Variants in UTY observed in about 807,000 individuals in gnomAD.
The protein encoded by UTY is ubiquitously transcribed tetratricopeptide repeat containing, Y-linked.
Under a neutral mutation model 32.5 loss-of-function variants are expected in UTY, and 12 were observed. The ratio of observed to expected loss-of-function variants is 0.37; its 90% CI spans 0.24 to 0.60. The LOEUF (loss-of-function observed/expected upper bound fraction) is 0.60. Ranked by LOEUF, UTY falls within the 20% of genes least tolerant of loss-of-function variation. The pLI is 0.69. For synonymous variants in UTY, 131 were observed against 103.4 expected (o/e 1.27, Z -1.62); for missense variants, 303 against 299.2 (o/e 1.01, Z -0.09).
intron 28 of UTY, among the ~76,000 whole-genome samples, chrY:13,237,943 G>A: frequency 3.0e-5 from 1 of 33,785 alleles, no homozygotes; most frequent in Non-Finnish European, 7.4e-5. Context: ...TCCCCAAGAC[G>A]TAGTTGTGAG....
In UTY at chrY:13,366,317, C is replaced by G; in HGVS notation, c.816G>C (p.Lys272Asn). 1 of 393,833 alleles carries G rather than the reference C, an allele frequency of 2.5e-6. No homozygotes were observed. Among genetic ancestry groups the G allele is most frequent in the Non-Finnish European group, 3.6e-6 (1 of 280,591 alleles). The change falls in exon 10 of 30, where the codon AAG (lysine) becomes AAC (asparagine). Residue 272 changes from lysine (K) to asparagine (N), a missense_variant. Transcript: ENST00000545955. ...CAGAATTAGGATCTGCCTCCAAAGACTTTTGGAGATACTGAATAGCATAGC... is the reference window on the plus strand; with the variant it reads ...CAGAATTAGGATCTGCCTCCAAAGAGTTTTGGAGATACTGAATAGCATAGC... ...KESYAIQYLQ[K>N]SLEADPNSGQ...
At chrY:13,416,477 A>G (rs2149707422) in intron 4 of UTY, among the ~76,000 whole-genome samples, 2 of 34,379 alleles carry the variant, frequency 5.8e-5, no homozygotes, top group South Asian at 1.2e-3. Flanking sequence ...TGTGTATTTA[A>G]GGAAGAGCGA....
At chrY:13,243,108 G>A (rs770986886) in intron 28 of UTY, among the ~76,000 whole-genome samples, 1,225 of 31,380 alleles carry the variant, frequency 0.039, no homozygotes, top group Non-Finnish European at 0.07. Flanking sequence ...GGTGGTAGAT[G>A]CCAGTAGTTC....
intron 9 of UTY, among the ~76,000 whole-genome samples, chrY:13,367,912 G>C (rs2064358351): frequency 6.1e-5 from 2 of 32,757 alleles, no homozygotes; most frequent in Non-Finnish European, 1.5e-4. Context: ...TGTTTCCATT[G>C]ATCATGTATC....
chrY:13,468,100 C>T, intron 3 of UTY, among the ~76,000 whole-genome samples: 1 of 31,642 alleles, frequency 3.2e-5, no homozygotes, highest in Non-Finnish European at 7.6e-5. Flanking sequence ...TGGTGAAAAC[C>T]CATCTCTATT....
At chrY:13,398,501 T>C (rs2068534628) in intron 6 of UTY, among the ~76,000 whole-genome samples, 1 of 33,193 alleles carries the variant, frequency 3.0e-5, no homozygotes, top group Non-Finnish European at 7.5e-5. Flanking sequence ...CTTTAAGACA[T>C]TGAATTTGGC....
chrY:13,446,188 G>A, intron 4 of UTY, among the ~76,000 whole-genome samples: 1 of 32,157 alleles, frequency 3.1e-5, no homozygotes, highest in Non-Finnish European at 7.5e-5. Flanking sequence ...TGGATGGTGG[G>A]AGAAGGATCA....
chrY:13,353,788 T>G, intron 17 of UTY, among the ~76,000 whole-genome samples: 1 of 33,922 alleles, frequency 2.9e-5, no homozygotes, highest in Non-Finnish European at 7.3e-5. Context: ...GAACTACAGA[T>G]GTAGAAATGG....
chrY:13,334,103 C>T, intron 18 of UTY, among the ~76,000 whole-genome samples: 1 of 33,583 alleles, frequency 3.0e-5, no homozygotes, highest in African/African-American at 1.2e-4. Context: ...TCCCTTTCAC[C>T]GTTTCGCCCT....
intron 27 of UTY, among the ~76,000 whole-genome samples, chrY:13,280,734 G>C (rs2056962616): frequency 9.2e-5 from 3 of 32,546 alleles, no homozygotes; most frequent in Admixed American, 8.4e-4. Context: ...AGGCTGTCTT[G>C]AACTCCTGAA....
chrY:13,362,408 G>C, intron 10 of UTY, among the ~76,000 whole-genome samples: 1 of 33,711 alleles, frequency 3.0e-5, no homozygotes. Flanking sequence ...ACAGTTCTGT[G>C]ACTCCAGGAG....
At chrY:13,480,230 GTGCTAGTTAAA>G, upstream of UTY, 1 of 35,120 alleles carries the variant, frequency 2.8e-5, no homozygotes, top group Admixed American at 2.6e-4. Flanking sequence ...CCTGTAGGTT[GTGCTAGTTAAA>G]TGCATTAAGA....
intron 27 of UTY, among the ~76,000 whole-genome samples, chrY:13,262,269 G>T (rs2055330466): frequency 3.0e-5 from 1 of 33,288 alleles, no homozygotes; most frequent in Non-Finnish European, 7.4e-5. Flanking sequence ...ACAGCTCAGT[G>T]CAAGAAGCAT....
intron 27 of UTY, among the ~76,000 whole-genome samples, chrY:13,274,715 G>A: frequency 3.3e-5 from 1 of 30,503 alleles, no homozygotes; most frequent in Non-Finnish European, 7.8e-5. Context: ...CCCAGGAATC[G>A]GAGGTGCGGT....
At chrY:13,463,927 C>T (rs2077646129) in intron 3 of UTY, among the ~76,000 whole-genome samples, 2 of 33,979 alleles carry the variant, frequency 5.9e-5, no homozygotes, top group East Asian at 1.5e-3. Context: ...TTTAATTGGA[C>T]ATTACATGAA....
At chrY:13,374,793 G>C (rs940940922) in intron 8 of UTY, among the ~76,000 whole-genome samples, 1 of 33,287 alleles carries the variant, frequency 3.0e-5, no homozygotes, top group Non-Finnish European at 7.4e-5. Context: ...CATCTTGGCT[G>C]ACAGAACAAG....
At chrY:13,291,310 C>T in intron 27 of UTY, among the ~76,000 whole-genome samples, 1 of 33,507 alleles carries the variant, frequency 3.0e-5, no homozygotes. Context: ...AGTATAAACA[C>T]AGGCCAAAAT....
chrY:13,376,115 T>A (rs2065367734), intron 8 of UTY, among the ~76,000 whole-genome samples: 1 of 33,246 alleles, frequency 3.0e-5, no homozygotes, highest in Admixed American at 2.7e-4. Flanking sequence ...TTTCTCTTCA[T>A]ATATTTTCAC....
At chrY:13,309,204 T>A in intron 21 of UTY, among the ~76,000 whole-genome samples, 1 of 33,823 alleles carries the variant, frequency 3.0e-5, no homozygotes, top group Non-Finnish European at 7.3e-5. Flanking sequence ...TGAAGCAGTA[T>A]AAAAAGAAAT....
Sources: gnomAD v4.1 joint callset for allele counts (sites outside exome capture counted in the v4.1 genomes callset) on GRCh38, gnomAD v4.1.1 for gene constraint, MANE v1.5 for transcripts, NCBI Gene and HGNC (gene_info 2026-07-23, HGNC 2026-07-21) for gene names.